RIMS1: variants seen among roughly 807,000 people sequenced by gnomAD.
The protein encoded by RIMS1 is regulating synaptic membrane exocytosis 1.
A neutral mutation model predicts 214.1 loss-of-function variants in RIMS1; 83 were observed. The observed-to-expected ratio is 0.39, with a 90% CI of 0.32 to 0.47. The LOEUF (loss-of-function observed/expected upper bound fraction) is 0.47, where lower values mean the gene tolerates loss of function less well. Among genes scored for constraint, RIMS1 ranks in the 20% least tolerant of loss-of-function variants. The probability of loss-of-function intolerance (pLI) is 0.99; values close to 1 mark genes in which losing one functional copy is unlikely to be tolerated. For missense variants in RIMS1, 2,050 were observed against 2,161.8 expected, an observed-to-expected ratio of 0.95 and a Z score of 1.03; for synonymous variants, 793 against 786.8, an observed-to-expected ratio of 1.01 and a Z score of -0.13.
chr6:72,314,472 G>T (rs2095661495), intron 28 of RIMS1, among the ~76,000 whole-genome samples: 3 of 152,098 alleles, frequency 2.0e-5, no homozygotes. Context: ...GATGTACAAT[G>T]AATTGAATTT....
At chr6:72,272,060 A>G (rs1030866728) in intron 22 of RIMS1, among the ~76,000 whole-genome samples, 7 of 152,200 alleles carry the variant, frequency 4.6e-5, no homozygotes, top group East Asian at 3.9e-4. Flanking sequence ...TAACTAAGCA[A>G]TGAACTTTTA....
At chr6:72,241,373 CT>C (rs1266921500) in intron 9 of RIMS1, among the ~76,000 whole-genome samples, 2 of 152,256 alleles carry the variant, frequency 1.3e-5, no homozygotes, top group East Asian at 3.9e-4. Flanking sequence ...TCAGCTGAGA[CT>C]ACCATTTTGA....
chr6:72,174,929 A>G (rs902219146), intron 4 of RIMS1, among the ~76,000 whole-genome samples: 8 of 152,170 alleles, frequency 5.3e-5, no homozygotes, highest in African/African-American at 1.9e-4. Context: ...AACAACAATA[A>G]AAGACTAAGA....
At position 72,398,302 on chromosome 6, in the gene RIMS1, A is replaced by G; in HGVS notation, c.4672A>G (p.Ile1558Val). The change falls in exon 32 of 34, where the codon ATT (isoleucine) becomes GTT (valine). Residue 1558 changes from isoleucine to valine, a missense_variant. Physicochemically the swap from Ile to Val is conservative, Grantham distance 29. Transcript: ENST00000521978. The stretch of plus-strand genomic sequence containing the variant: ...AAAGGGCCAATTAGAAGTGGAAGTC[A>G]TTAGAGCACGAAGCCTCACACAAAA... ...DKKGQLEVEV[I>V]RARSLTQKPG... 6.2e-7 allele frequency: 1 copy of G among 1,609,728 alleles called. No individual in the cohort carries two copies. Among genetic ancestry groups the G allele is most frequent in the Non-Finnish European group, 8.5e-7 (1 of 1,178,090 alleles).
intron 4 of RIMS1, among the ~76,000 whole-genome samples, chr6:72,154,885 C>T (rs1304046466): frequency 7.1e-6 from 1 of 140,302 alleles, no homozygotes; most frequent in African/African-American, 2.5e-5. Context: ...TTCTTTCTTG[C>T]TTCACCCAGA....
chr6:71,940,284 ATCAGC>A, intron 1 of RIMS1, among the ~76,000 whole-genome samples: 1 of 152,214 alleles, frequency 6.6e-6, no homozygotes. Context: ...TTACTGTACT[ATCAGC>A]TGGCAGAATT....
At chr6:72,265,849 C>A in intron 21 of RIMS1, 111 bp from the exon 22 acceptor site, 1 of 708,978 alleles carries the variant, frequency 1.4e-6, no homozygotes, top group Non-Finnish European at 2.4e-6. Flanking sequence ...AGTGATTCTA[C>A]ATTTTGTGTA....
chr6:72,305,654 G>C (rs898647631), intron 26 of RIMS1, among the ~76,000 whole-genome samples: 3 of 151,992 alleles, frequency 2.0e-5, no homozygotes, highest in African/African-American at 7.2e-5. Flanking sequence ...CTCTTACATA[G>C]CATTTTACTG....
intron 2 of RIMS1, among the ~76,000 whole-genome samples, chr6:72,085,999 T>G (rs1834572939): frequency 6.6e-6 from 1 of 152,144 alleles, no homozygotes; most frequent in Non-Finnish European, 1.5e-5. Flanking sequence ...CCCACTAATC[T>G]TTGGAGTTTC....
intron 1 of RIMS1, among the ~76,000 whole-genome samples, chr6:71,906,852 T>A (rs1448012199): frequency 6.6e-6 from 1 of 152,196 alleles, no homozygotes; most frequent in African/African-American, 2.4e-5. Context: ...GTGGGCAACA[T>A]TAACAACTTT....
At chr6:72,128,379 C>A (rs2039934724) in intron 4 of RIMS1, among the ~76,000 whole-genome samples, 1 of 152,000 alleles carries the variant, frequency 6.6e-6, no homozygotes. Flanking sequence ...CTTCCTTCCC[C>A]TCCCCTCCCC....
chr6:72,212,930 G>C (rs2054080597), intron 6 of RIMS1: 1 of 1,375,444 alleles, frequency 7.3e-7, no homozygotes, highest in African/African-American at 1.5e-5. Flanking sequence ...GTCATGCAAG[G>C]AGACTTTCTT....
rs189876607 is a variant in RIMS1 at position 71,973,183 on chromosome 6, C to T, written c.245+4120C>T. Among the ~76,000 whole-genome samples, 226 of 152,314 alleles carry T rather than the reference C, an allele frequency of 1.5e-3. 3 individuals are homozygous for T. Among genetic ancestry groups the T allele is most frequent in the Admixed American group, 3.1e-3 (48 of 15,294 alleles). On this transcript the variant is annotated intron_variant, in intron 2 of 33. Transcript: ENST00000521978. ...TTGGCCTCCCAAAGTGCTGGGATTA[C>T]AGGTGTGAGCCACTGCGCCCGGACA... is the stretch of plus-strand genomic sequence containing the variant.
intron 1 of RIMS1, among the ~76,000 whole-genome samples, chr6:71,955,965 AC>A (rs1320941683): frequency 6.6e-6 from 1 of 152,122 alleles, no homozygotes; most frequent in African/African-American, 2.4e-5. Flanking sequence ...TGGCTAATTT[AC>A]TACTTAATGT....
intron 28 of RIMS1, among the ~76,000 whole-genome samples, chr6:72,326,022 C>G (rs1381625221): frequency 2.5e-4 from 38 of 151,712 alleles, no homozygotes; most frequent in Non-Finnish European, 1.5e-5. Context: ...TGTATTGATC[C>G]AGATGTAAGT....
intron 2 of RIMS1, among the ~76,000 whole-genome samples, chr6:72,093,080 G>A (rs1836726839): frequency 6.6e-6 from 1 of 151,694 alleles, no homozygotes; most frequent in African/African-American, 2.4e-5. Context: ...TACATGTAAG[G>A]TGTAAAGAAA....
At chr6:72,185,234 AC>A (rs568445797) in intron 6 of RIMS1, among the ~76,000 whole-genome samples, 3 of 152,234 alleles carry the variant, frequency 2.0e-5, no homozygotes, top group South Asian at 2.1e-4. Context: ...GTGGAAGAGA[AC>A]CCCGATAAAT....
At chr6:72,105,366 T>G (rs936336791) in intron 4 of RIMS1, among the ~76,000 whole-genome samples, 3 of 152,176 alleles carry the variant, frequency 2.0e-5, no homozygotes, top group African/African-American at 7.2e-5. Context: ...TGGTAATTCA[T>G]GCCAAGATGC....
chr6:72,025,446 C>T (rs1249218219), intron 2 of RIMS1, among the ~76,000 whole-genome samples: 3 of 152,140 alleles, frequency 2.0e-5, no homozygotes, highest in Non-Finnish European at 4.4e-5. Flanking sequence ...TAAAATGAAG[C>T]TAGTAGTTTG....
Sources: allele counts gnomAD v4.1 joint callset (sites outside exome capture counted in the v4.1 genomes callset), GRCh38; gene constraint gnomAD v4.1.1; transcripts MANE v1.5; gene names NCBI Gene and HGNC (gene_info 2026-07-23, HGNC 2026-07-21).